The following RSF1 variants were observed in gnomAD, a reference collection of about 807,000 sequenced individuals.
The protein encoded by RSF1 is HBV pX-associated protein 8.
Under a neutral mutation model 145.2 loss-of-function variants are expected in RSF1, and 13 were observed. The observed-to-expected ratio is 0.09, with a 90% CI of 0.06 to 0.14. The LOEUF (loss-of-function observed/expected upper bound fraction) is 0.14, where lower values mean the gene tolerates loss of function less well. Ranked by LOEUF, RSF1 falls within the 10% of genes least tolerant of loss-of-function variation. The pLI is 1.00. For missense variants in RSF1, 1,517 were observed against 1,718.2 expected (o/e 0.88, Z 2.07); for synonymous variants, 577 against 592.6 (o/e 0.97, Z 0.38).
intron 5 of RSF1, among the ~76,000 whole-genome samples, chr11:77,713,872 C>T (rs1461124411): frequency 1.3e-5 from 2 of 152,146 alleles, no homozygotes; most frequent in Non-Finnish European, 2.9e-5. Flanking sequence ...CTTTCACTGT[C>T]CGTAGGGATG....
chr11:77,713,658 T>C (rs1158317370), intron 5 of RSF1, among the ~76,000 whole-genome samples: 2 of 152,232 alleles, frequency 1.3e-5, no homozygotes, highest in African/African-American at 2.4e-5. Flanking sequence ...ATTTTCAGTA[T>C]AGCATTTTCT....
intron 1 of RSF1, among the ~76,000 whole-genome samples, chr11:77,769,354 A>C (rs1948259339): frequency 6.6e-6 from 1 of 152,222 alleles, no homozygotes; most frequent in African/African-American, 2.4e-5. Flanking sequence ...TTTCTAAAAC[A>C]GTTTCATTTC....
At chr11:77,817,243 T>C (rs1241190369) in intron 1 of RSF1, among the ~76,000 whole-genome samples, 2 of 152,206 alleles carry the variant, frequency 1.3e-5, no homozygotes, top group Non-Finnish European at 2.9e-5. Flanking sequence ...CAACAAATAA[T>C]GTTTTTACTT....
intron 1 of RSF1, chr11:77,813,278 T>A: frequency 2.9e-6 from 2 of 694,792 alleles, no homozygotes. Context: ...ATTTATAATT[T>A]TTTTTTAACA....
chr11:77,734,579 C>G, intron 4 of RSF1: 6 of 1,540,340 alleles, frequency 3.9e-6, no homozygotes, highest in Non-Finnish European at 5.3e-6. Context: ...ACATGGTCAT[C>G]CAATTCTTTG....
chr11:77,693,696 C>A (rs1271530803), intron 7 of RSF1, 85 bp from the exon 8 acceptor site: 2 of 828,336 alleles, frequency 2.4e-6, no homozygotes, highest in Admixed American at 2.2e-5. Context: ...TCTCTGAGTA[C>A]TATACTGCAA....
At chr11:77,672,303 G>A in intron 14 of RSF1, 73 bp from the exon 15 acceptor site, 1 of 1,212,728 alleles carries the variant, frequency 8.2e-7, no homozygotes, top group Non-Finnish European at 1.1e-6. Flanking sequence ...TTATAAAAAT[G>A]AAAAGCTACC....
At chr11:77,729,406 C>A (rs765030812) in intron 4 of RSF1, among the ~76,000 whole-genome samples, 4 of 152,074 alleles carry the variant, frequency 2.6e-5, no homozygotes, top group Middle Eastern at 3.4e-3. Flanking sequence ...CCTATATGTA[C>A]CTTAAGTTAA....
At chr11:77,697,234 G>A (rs67313689) in intron 7 of RSF1, among the ~76,000 whole-genome samples, 27,264 of 151,470 alleles carry the variant, frequency 0.18, 3,116 homozygotes, top group African/African-American at 0.31. Context: ...CACTTCTTAG[G>A]AATTTTCCAA....
chr11:77,852,240 AAG>A, the RSF1 span, among the ~76,000 whole-genome samples: 15 of 125,012 alleles, frequency 1.2e-4, no homozygotes, highest in Non-Finnish European at 2.1e-4. Flanking sequence ...AAAAAAAAAA[AAG>A]AAGAAGAAGA....
rs762331265 is a variant in RSF1 at position 77,701,147 on chromosome 11, A to C, written c.2082T>G (p.Pro694=). Residue 694 remains proline (P), a synonymous_variant, in exon 6 of 16, where the codon CCT becomes CCG. Transcript: ENST00000308488. ...DNAQTSGIEE[P]SETKGSMQKS... Reference sequence around the variant, plus strand: ...TTTGCATAGAACCCTTTGTCTCAGAAGGCTCCTCTATGCCAGAGGTCTGGG... The same window carrying C: ...TTTGCATAGAACCCTTTGTCTCAGACGGCTCCTCTATGCCAGAGGTCTGGG... 2.5e-6 allele frequency: 4 copies of C among 1,614,084 alleles called. No individual in the cohort carries two copies. The highest frequency in any genetic ancestry group is 3.4e-6 in the Non-Finnish European group (4 of 1,180,020).
chr11:77,800,414 C>G (rs1406753524), intron 1 of RSF1, among the ~76,000 whole-genome samples: 2 of 152,056 alleles, frequency 1.3e-5, no homozygotes, highest in Non-Finnish European at 2.9e-5. Context: ...ATCATTTGAA[C>G]CCGGGAGGCA....
chr11:77,799,436 C>G (rs1366365999), intron 1 of RSF1, among the ~76,000 whole-genome samples: 2 of 146,854 alleles, frequency 1.4e-5, no homozygotes, highest in African/African-American at 5.1e-5. Flanking sequence ...CAGGAGAGGT[C>G]GAGGCTGCAG....
rs1168452314 is a variant in RSF1, at chr11:77,725,700, C to A, written c.579-1G>T. On this transcript the variant is annotated splice_acceptor_variant, in intron 4 of 15. Transcript: ENST00000308488. LOFTEE classifies it high-confidence loss of function. ...AGTCTCAGCCAACTCGTTTCGATTT[C>A]TAAACAAGGAAAAAAATAAGACAGC... 6.4e-7 allele frequency: 1 copy of A among 1,560,990 alleles called. No homozygotes were observed. Among genetic ancestry groups the A allele is most frequent in the Non-Finnish European group, 8.7e-7 (1 of 1,154,952 alleles).
chr11:77,845,526 G>T, the RSF1 span, among the ~76,000 whole-genome samples: 3 of 152,034 alleles, frequency 2.0e-5, no homozygotes, highest in Non-Finnish European at 2.9e-5. Context: ...CGCCTCCCAG[G>T]TTCAAGCAAT....
intron 7 of RSF1, among the ~76,000 whole-genome samples, chr11:77,697,926 G>A (rs763657196): frequency 6.6e-6 from 1 of 151,998 alleles, no homozygotes; most frequent in Non-Finnish European, 1.5e-5. Flanking sequence ...TGTTTTTATA[G>A]GAAGGCAGTA....
Position 77,691,190 on chromosome 11 carries a change from C to T in RSF1, c.2869G>A (p.Ala957Thr), listed in dbSNP as rs1960141575. Reference protein sequence around the residue: ...LEEQLQDLDVALKKKERAERR... With the variant: ...LEEQLQDLDVTLKKKERAERR... ...TCGGCACGCTCTTTCTTCTTTAAGG[C>T]AACATCCAAATCCTGCAACTGTTCC... Residue 957 changes from alanine (A) to threonine (T), a missense_variant, in exon 9 of 16, where the codon GCC becomes ACC. Around this residue, in one of 12 missense-constraint regions of RSF1, gnomAD observed 29 missense variants for 102.3 expected, o/e 0.28. Transcript: ENST00000308488. 3 of 1,614,194 alleles carry T rather than the reference C, an allele frequency of 1.9e-6. No individual in the cohort carries two copies. The highest frequency in any genetic ancestry group is 3.3e-5 in the Admixed American group (2 of 60,036).
At chr11:77,811,295 G>A (rs1216955699) in intron 1 of RSF1, among the ~76,000 whole-genome samples, 2 of 152,206 alleles carry the variant, frequency 1.3e-5, no homozygotes, top group African/African-American at 4.8e-5. Context: ...ATAGTAAGTT[G>A]AGGAAAACTA....
intron 15 of RSF1, among the ~76,000 whole-genome samples, chr11:77,668,839 T>C (rs553407897): frequency 6.6e-6 from 1 of 152,302 alleles, no homozygotes; most frequent in African/African-American, 2.4e-5. Context: ...CCTCCATGGA[T>C]ACTGAAGATG....
Sources: allele counts gnomAD v4.1 joint callset (sites outside exome capture counted in the v4.1 genomes callset), GRCh38; gene constraint gnomAD v4.1.1; regional missense constraint gnomAD v4.1.1; transcripts MANE v1.5; gene names NCBI Gene and HGNC (gene_info 2026-07-23, HGNC 2026-07-21).